MSH3: variants seen among roughly 807,000 people sequenced by gnomAD.
MSH3 encodes DNA mismatch repair protein Msh3.
MSH3 carries 106 observed loss-of-function variants against 123.3 expected under a neutral mutation model. The ratio of observed to expected loss-of-function variants is 0.86; its 90% confidence interval spans 0.73 to 1.01. The LOEUF (loss-of-function observed/expected upper bound fraction) is 1.01, where lower values mean the gene tolerates loss of function less well. Among genes scored for constraint, MSH3 ranks in the 50% least tolerant of loss-of-function variants. The probability of loss-of-function intolerance (pLI) is 0.00; values close to 1 mark genes in which losing one functional copy is unlikely to be tolerated. For synonymous variants in MSH3, 515 were observed against 481.4 expected, an observed-to-expected ratio of 1.07 and a Z score of -0.91; for missense variants, 1,459 against 1,347.6, an observed-to-expected ratio of 1.08 and a Z score of -1.29.
chr5:80,654,692 CA>C lies in MSH3; in HGVS notation c.-35del, dbSNP rs765543063. ...GCGGCCGCGGGCTCGCGCTCCTCGC[CA>C]GGCCCTGCCGCCGGGCTGCCATCCT... is the stretch of plus-strand genomic sequence containing the variant. On this transcript the variant is annotated 5_prime_UTR_variant, in exon 1 of 24. Transcript: ENST00000265081. 6 of 1,567,154 alleles carry C rather than the reference CA, an allele frequency of 3.8e-6. No individual in the cohort carries two copies. The South Asian group carries it at 6.8e-5, about 18-fold the overall frequency.
rs781519777 is a variant in MSH3 at position 80,763,093 on chromosome 5, C to T, written c.1896+1415C>T. Among the ~76,000 whole-genome samples the T allele has an allele frequency of 4.6e-5, 7 of 152,240 alleles. No homozygotes were observed. The East Asian group carries it at 5.8e-4, about 13-fold the overall frequency. ...AACTCCTGACCTCAGGTGATCCACC[C>T]GCCTCGGCCTCCCAAAGTGCTGGGA... On this transcript the variant is annotated intron_variant, in intron 13 of 23. Coordinates refer to ENST00000265081, the MANE Select transcript of MSH3 (RefSeq NM_002439.5).
chr5:80,792,249 T>C (rs1580053431), intron 18 of MSH3, among the ~76,000 whole-genome samples: 2 of 152,012 alleles, frequency 1.3e-5, no homozygotes, highest in South Asian at 2.1e-4. Flanking sequence ...AAATGAAGAA[T>C]AAAGCCCAGC....
Position 80,739,451 on chromosome 5 carries a change from C to T in MSH3, c.1569-2013C>T, listed in dbSNP as rs148694108. 1.2e-4 allele frequency among the ~76,000 whole-genome samples: 18 copies of T among 152,250 alleles called. No individual in the cohort carries two copies. The East Asian group carries it at 3.5e-3, about 29-fold the overall frequency. On this transcript the variant is annotated intron_variant, in intron 10 of 23. Coordinates refer to ENST00000265081, the MANE Select transcript of MSH3 (RefSeq NM_002439.5). ...AAAATATAAACCCAACCTGGTTTTC[C>T]CTAGGAAGATGGCAGATATTTGTAG...
chr5:80,788,248 A>T (rs1744548060), intron 18 of MSH3, among the ~76,000 whole-genome samples: 3 of 151,928 alleles, frequency 2.0e-5, no homozygotes, highest in African/African-American at 7.3e-5. Context: ...ATCCTGGCTA[A>T]CACAGTGAAA....
intron 19 of MSH3, among the ~76,000 whole-genome samples, chr5:80,799,957 T>A (rs942513570): frequency 1.2e-4 from 19 of 152,234 alleles, no homozygotes; most frequent in African/African-American, 4.6e-4. Context: ...TCTTAAGATA[T>A]CTTGAAGTTT....
At chr5:80,874,196 A>G (rs114092284) in intron 23 of MSH3, among the ~76,000 whole-genome samples, 161 of 152,330 alleles carry the variant, frequency 1.1e-3, no homozygotes, top group African/African-American at 3.8e-3. Context: ...ATATTGAAAT[A>G]GTAATGCCTA....
chr5:80,768,912 G>C lies in MSH3; in HGVS notation c.2162G>C (p.Gly721Ala), dbSNP rs761901103. Residue 721 changes from glycine to alanine, a missense_variant, in exon 15 of 24, where the codon GGT (glycine) becomes GCT (alanine). Transcript: ENST00000265081. ...LIKKRKDEIQGVIDEIRMHLQ... is the reference protein window; with the variant it reads ...LIKKRKDEIQAVIDEIRMHLQ... ...AAAAAGAGGAAGGATGAAATTCAAGGTGTTATTGACGAGATCCGAATGCAT... is the reference window on the plus strand; with the variant it reads ...AAAAAGAGGAAGGATGAAATTCAAGCTGTTATTGACGAGATCCGAATGCAT... The C allele has an allele frequency of 6.2e-7, 1 of 1,612,256 alleles. No individual in the cohort carries two copies. Among genetic ancestry groups the C allele is most frequent in the East Asian group, 2.2e-5 (1 of 44,720 alleles).
At chr5:80,709,276 G>A (rs1490583898) in intron 8 of MSH3, among the ~76,000 whole-genome samples, 3 of 149,802 alleles carry the variant, frequency 2.0e-5, no homozygotes, top group Non-Finnish European at 4.4e-5. Flanking sequence ...TGGAACATTT[G>A]GTAAAGCTCA....
chr5:80,838,621 C>CTATATCATTG (rs1381196425), intron 20 of MSH3, among the ~76,000 whole-genome samples: 2 of 152,018 alleles, frequency 1.3e-5, no homozygotes, highest in Non-Finnish European at 2.9e-5. Flanking sequence ...GGACTTTTTG[C>CTATATCATTG]TATATCATTG....
intron 8 of MSH3, among the ~76,000 whole-genome samples, chr5:80,715,893 C>G (rs1011868226): frequency 3.3e-5 from 5 of 152,146 alleles, no homozygotes; most frequent in Admixed American, 3.3e-4. Context: ...CAATTTGATA[C>G]GAGATTTGGG....
intron 20 of MSH3, among the ~76,000 whole-genome samples, chr5:80,820,271 G>A (rs32989): frequency 0.71 from 107,365 of 152,080 alleles, 37,901 homozygotes; most frequent in South Asian, 0.8. Flanking sequence ...ACAGTGCCCA[G>A]AAAGCCAAAT....
intron 20 of MSH3, among the ~76,000 whole-genome samples, chr5:80,825,578 C>T (rs1221264290): frequency 1.3e-5 from 1 of 74,924 alleles, no homozygotes; most frequent in Non-Finnish European, 3.0e-5. Context: ...TCCTAGTGCA[C>T]ACAAGGGAGT....
chr5:80,873,617 ATTTC>A (rs1486527087), intron 23 of MSH3, among the ~76,000 whole-genome samples: 1 of 152,180 alleles, frequency 6.6e-6, no homozygotes, highest in Non-Finnish European at 1.5e-5. Flanking sequence ...CCTACAGAAG[ATTTC>A]TTTTATTCAT....
chr5:80,781,288 A>G (rs1744404985), intron 17 of MSH3, among the ~76,000 whole-genome samples: 1 of 152,106 alleles, frequency 6.6e-6, no homozygotes, highest in Admixed American at 6.6e-5. Context: ...CTCACATTCT[A>G]GAAGGGTCCT....
chr5:80,832,185 A>T (rs1745431939), intron 20 of MSH3, among the ~76,000 whole-genome samples: 2 of 152,168 alleles, frequency 1.3e-5, no homozygotes, highest in South Asian at 2.1e-4. Context: ...TATTCCACTT[A>T]TATGAGATGC....
At chr5:80,803,744 G>C (rs1205023045) in intron 19 of MSH3, among the ~76,000 whole-genome samples, 2 of 152,016 alleles carry the variant, frequency 1.3e-5, no homozygotes, top group Non-Finnish European at 2.9e-5. Context: ...ATTTTGATTT[G>C]ATTTTTTTAC....
intron 4 of MSH3, among the ~76,000 whole-genome samples, chr5:80,671,340 G>A (rs1296862579): frequency 6.6e-6 from 1 of 152,136 alleles, no homozygotes; most frequent in Non-Finnish European, 1.5e-5. Flanking sequence ...GCATGTCTGT[G>A]CTTCTTGGAT....
At chr5:80,874,673 A>G (rs1415584593) in intron 23 of MSH3, among the ~76,000 whole-genome samples, 1 of 152,216 alleles carries the variant, frequency 6.6e-6, no homozygotes, top group Admixed American at 6.5e-5. Flanking sequence ...AAATATGTCA[A>G]TTTCTAAATT....
chr5:80,715,685 T>A (rs991168732), intron 8 of MSH3, among the ~76,000 whole-genome samples: 5 of 151,946 alleles, frequency 3.3e-5, no homozygotes, highest in African/African-American at 1.2e-4. Context: ...AAACTTACAG[T>A]CGTGGCAGAA....
Sources: gnomAD v4.1 joint callset for allele counts (sites outside exome capture counted in the v4.1 genomes callset) on GRCh38, gnomAD v4.1.1 for gene constraint, MANE v1.5 for transcripts, NCBI Gene and HGNC (gene_info 2026-07-23, HGNC 2026-07-21) for gene names.